Variants in NECAB1 observed in about 807,000 individuals in gnomAD.
NECAB1 encodes N-terminal EF-hand calcium binding protein 1, also known as N-terminal EF-hand calcium-binding protein 1.
NECAB1 carries 29 observed loss-of-function variants against 57.5 expected under a neutral mutation model. The ratio of observed to expected loss-of-function variants is 0.50; its 90% CI spans 0.38 to 0.69. The LOEUF is 0.69. Among genes scored for constraint, NECAB1 ranks in the 30% least tolerant of loss-of-function variants. The pLI, the probability that NECAB1 is intolerant of heterozygous loss-of-function variation, is 0.00. For missense variants in NECAB1, 372 were observed against 413.8 expected (o/e 0.90, Z 0.88); for synonymous variants, 142 against 147.7 (o/e 0.96, Z 0.28).
rs540463445 is a variant in NECAB1, at chr8:90,957,139, G to T, written c.*1627G>T. ...CTATATATATGTACAAAGGCAAACA[G>T]ACACATAACAGTCTCTGCAGACTGA... On this transcript the variant is annotated 3_prime_UTR_variant, in exon 13 of 13. Coordinates refer to ENST00000417640, the MANE Select transcript of NECAB1 (RefSeq NM_022351.5). 25 of 151,978 alleles carry T rather than the reference G, an allele frequency of 1.6e-4. No individual in the cohort carries two copies. The highest frequency in any genetic ancestry group is 5.3e-4 in the African/African-American group (22 of 41,486). 9.4% of individuals were successfully genotyped at this position (151,978 alleles called of 1,614,324 possible).
rs1477177372 is a variant in NECAB1, at chr8:90,881,066, A to G, written c.293A>G (p.Asn98Ser). ...YFSQHLGEYE[N>S]VLAALEDLNL... is the part of the protein sequence containing the mutation. Reference sequence around the variant, plus strand: ...TCTCAGCACTTGGGCGAGTATGAGAATGTACTAGCAGCACTTGAAGACCTG... The same window carrying G: ...TCTCAGCACTTGGGCGAGTATGAGAGTGTACTAGCAGCACTTGAAGACCTG... The change falls in exon 5 of 13, where the codon AAT becomes AGT. Residue 98 changes from asparagine to serine, a missense_variant. By Grantham distance (46) the Asn-to-Ser change is conservative (BLOSUM62 1). Coordinates refer to ENST00000417640, the MANE Select transcript of NECAB1 (RefSeq NM_022351.5). The G allele has an allele frequency of 6.2e-7, 1 of 1,606,930 alleles. No individual in the cohort carries two copies. The highest frequency in any genetic ancestry group is 2.2e-5 in the East Asian group (1 of 44,662).
chr8:90,853,255 C>T (rs919493246), intron 3 of NECAB1, among the ~76,000 whole-genome samples: 9 of 152,244 alleles, frequency 5.9e-5, no homozygotes, highest in African/African-American at 2.2e-4. Context: ...TTCCAGCACT[C>T]GTGGACTCCA....
At chr8:90,812,897 A>G (rs1563494216) in intron 2 of NECAB1, 1 of 150,876 alleles carries the variant, frequency 6.6e-6, no homozygotes, top group Non-Finnish European at 1.5e-5. Flanking sequence ...AGATCAAAAT[A>G]TACTTACTTG....
intron 5 of NECAB1, among the ~76,000 whole-genome samples, chr8:90,910,165 G>A (rs1388307172): frequency 6.6e-6 from 1 of 151,616 alleles, no homozygotes; most frequent in African/African-American, 2.4e-5. Context: ...CTTCATTTCT[G>A]AGTTAATCTA....
chr8:90,919,005 A>T (rs1563533969), intron 6 of NECAB1, among the ~76,000 whole-genome samples: 1 of 152,216 alleles, frequency 6.6e-6, no homozygotes, highest in Non-Finnish European at 1.5e-5. Context: ...ATTTCAGGAA[A>T]TGGAGAAAAG....
At chr8:90,906,386 GCT>G (rs1057083770) in intron 5 of NECAB1, among the ~76,000 whole-genome samples, 2 of 152,110 alleles carry the variant, frequency 1.3e-5, no homozygotes, top group Non-Finnish European at 2.9e-5. Flanking sequence ...TTTTTTCCCA[GCT>G]CTCTTTTAGT....
chr8:90,839,586 C>A (rs1427610360), intron 3 of NECAB1, among the ~76,000 whole-genome samples: 1 of 152,040 alleles, frequency 6.6e-6, no homozygotes, highest in Non-Finnish European at 1.5e-5. Flanking sequence ...CTTAGAGAAG[C>A]CATACAGTTT....
chr8:90,870,265 A>T (rs1385663946), intron 3 of NECAB1, among the ~76,000 whole-genome samples: 1 of 152,212 alleles, frequency 6.6e-6, no homozygotes, highest in Non-Finnish European at 1.5e-5. Flanking sequence ...GTGAGAACAG[A>T]CTAATACATT....
intron 2 of NECAB1, among the ~76,000 whole-genome samples, chr8:90,812,285 AT>A (rs1811973301): frequency 1.3e-5 from 2 of 152,332 alleles, no homozygotes; most frequent in South Asian, 4.1e-4. Context: ...CTAATTTTGA[AT>A]CTACATCCGC....
At chr8:90,907,141 TGTGTGTGTGTGAGAGAGAGAGAGA>T (rs1477579654) in intron 5 of NECAB1, among the ~76,000 whole-genome samples, 2 of 127,030 alleles carry the variant, frequency 1.6e-5, no homozygotes, top group Non-Finnish European at 3.2e-5. Context: ...TGTGTGTGTG[TGTGTGTGTGTGAGAGAGAGAGAGA>T]GAGAGAGAGA....
At chr8:90,942,607 G>A (rs1207656480) in intron 10 of NECAB1, among the ~76,000 whole-genome samples, 1 of 152,168 alleles carries the variant, frequency 6.6e-6, no homozygotes, top group African/African-American at 2.4e-5. Context: ...AAAAATTCAG[G>A]GTGCAGTGGC....
chr8:90,872,257 G>A, intron 4 of NECAB1, 104 bp downstream of exon 4: 4 of 901,374 alleles, frequency 4.4e-6, no homozygotes, highest in Non-Finnish European at 4.9e-6. Context: ...TATATTAGGA[G>A]TTCACAAAGG....
intron 3 of NECAB1, among the ~76,000 whole-genome samples, chr8:90,833,386 C>T (rs1465408493): frequency 2.4e-5 from 3 of 122,970 alleles, no homozygotes; most frequent in Non-Finnish European, 1.6e-5. Flanking sequence ...TCATCTATTC[C>T]TCCCAAAAAA....
chr8:90,934,587 A>G (rs1271211630), intron 9 of NECAB1, among the ~76,000 whole-genome samples: 1 of 152,166 alleles, frequency 6.6e-6, no homozygotes, highest in East Asian at 1.9e-4. Flanking sequence ...TGAAAATTTT[A>G]TACATGTATA....
chr8:90,833,913 A>T (rs1478683711), intron 3 of NECAB1, among the ~76,000 whole-genome samples: 1 of 152,116 alleles, frequency 6.6e-6, no homozygotes, highest in Non-Finnish European at 1.5e-5. Context: ...CTGTAATCCC[A>T]GTACTTTGGA....
intron 3 of NECAB1, among the ~76,000 whole-genome samples, chr8:90,830,021 C>T (rs1483478584): frequency 2.0e-5 from 3 of 152,046 alleles, no homozygotes; most frequent in African/African-American, 7.2e-5. Context: ...TGTATTTGTG[C>T]AGGCAGATAC....
At position 90,951,139 on chromosome 8, in the gene NECAB1, C is replaced by T. The variant is rs2130275076; in HGVS notation, c.965C>T (p.Thr322Ile). Residue 322 changes from threonine (T) to isoleucine (I), a missense_variant, in exon 12 of 13, where the codon ACA (threonine) becomes ATA (isoleucine). By Grantham distance (89) the Thr-to-Ile change is moderately conservative. Transcript: ENST00000417640. ...NSHLQTNYSK[T>I]FQRSNVDFLE... ...CACCTTCAGACAAATTATAGCAAGA[C>T]ATTCCAAAGAAGTAATGTGGATTTC... The T allele has an allele frequency of 6.2e-7, 1 of 1,600,104 alleles. No homozygotes were observed. The highest frequency in any genetic ancestry group is 8.5e-7 in the Non-Finnish European group (1 of 1,172,914).
At chr8:90,905,937 C>T (rs56255745) in intron 5 of NECAB1, among the ~76,000 whole-genome samples, 15,113 of 152,068 alleles carry the variant, frequency 0.099, 2,065 homozygotes, top group African/African-American at 0.3. Flanking sequence ...GAAAACTGCC[C>T]GGTTTCTTGC....
intron 5 of NECAB1, among the ~76,000 whole-genome samples, chr8:90,909,680 TTTTG>T (rs1427524492): frequency 6.6e-6 from 1 of 152,042 alleles, no homozygotes; most frequent in Non-Finnish European, 1.5e-5. Context: ...TTTTATTTTG[TTTTG>T]TTTTTTACTC....
Sources: gnomAD v4.1 joint callset for allele counts (sites outside exome capture counted in the v4.1 genomes callset) on GRCh38, gnomAD v4.1.1 for gene constraint, MANE v1.5 for transcripts, NCBI Gene and HGNC (gene_info 2026-07-23, HGNC 2026-07-21) for gene names.